DUSP22: variants seen among roughly 807,000 people sequenced by gnomAD.
The protein encoded by DUSP22 is dual specificity protein phosphatase 22.
Under a neutral mutation model 24.5 loss-of-function variants are expected in DUSP22, and 24 were observed. The observed-to-expected ratio is 0.98, with a 90% CI of 0.71 to 1.38. The LOEUF is 1.38. Ranked by LOEUF, DUSP22 falls within the 40% of genes most tolerant of loss-of-function variation. The pLI is 0.00. For missense variants in DUSP22, 330 were observed against 269.2 expected (o/e 1.23, Z -1.58); for synonymous variants, 160 against 106.4 (o/e 1.50, Z -3.10).
rs1251455386 is a variant in DUSP22, at chr6:292,516, C to A, written c.-24C>A. 1 of 1,604,658 alleles carries A rather than the reference C, an allele frequency of 6.2e-7. No individual in the cohort carries two copies. Among genetic ancestry groups the A allele is most frequent in the Non-Finnish European group, 8.5e-7 (1 of 1,175,772 alleles). ...TGCGCCTGCGACCACACGGCCGGGG[C>A]GCTAGCGTTCGCCTTCAGCCACCAT... On this transcript the variant is annotated 5_prime_UTR_variant, in exon 1 of 7. Coordinates refer to ENST00000419235, the MANE Select transcript of DUSP22 (RefSeq NM_001286555.3).
At chr6:295,185 A>T (rs762879014) in intron 1 of DUSP22, among the ~76,000 whole-genome samples, 4 of 152,304 alleles carry the variant, frequency 2.6e-5, no homozygotes, top group African/African-American at 4.8e-5. Flanking sequence ...TGGAACTAAC[A>T]TAACTTGGAA....
chr6:315,000 A>G (rs1561658082), intron 3 of DUSP22, among the ~76,000 whole-genome samples: 1 of 152,306 alleles, frequency 6.6e-6, no homozygotes. Flanking sequence ...AGGCCTTCAG[A>G]GTGGCTGTGC....
intron 2 of DUSP22, among the ~76,000 whole-genome samples, chr6:305,330 A>G (rs1757773496): frequency 6.6e-6 from 1 of 152,282 alleles, no homozygotes; most frequent in South Asian, 2.1e-4. Flanking sequence ...TCTCCTTTGA[A>G]CTCTCCACAC....
chr6:306,970 C>T (rs901307029), intron 2 of DUSP22, among the ~76,000 whole-genome samples: 1 of 152,422 alleles, frequency 6.6e-6, no homozygotes, highest in Non-Finnish European at 1.5e-5. Flanking sequence ...ATACCTGGTG[C>T]CCTGATAAAT....
chr6:297,492 A>G (rs1399254492), intron 1 of DUSP22, among the ~76,000 whole-genome samples: 3 of 152,304 alleles, frequency 2.0e-5, no homozygotes, highest in Non-Finnish European at 4.4e-5. Flanking sequence ...GTGTTCCTCA[A>G]CGGCTACACC....
Position 349,204 on chromosome 6 carries a change from C to T in DUSP22, c.*253C>T, listed in dbSNP as rs546639846. ...CAGTGGCTGTGCACTGCTCTGTGCA[C>T]GTGCGTGTGTGTGAGTGCACTTGTG... On this transcript the variant is annotated 3_prime_UTR_variant, in exon 7 of 7. Transcript: ENST00000419235. The T allele has an allele frequency of 1.5e-4, 204 of 1,404,984 alleles. 1 individual carries two copies. Among genetic ancestry groups the T allele is most frequent in the African/African-American group, 8.5e-4 (59 of 69,386 alleles). 87.0% of individuals were successfully genotyped at this position (1,404,984 alleles called of 1,614,324 possible).
At chr6:327,694 C>T (rs532209597) in intron 3 of DUSP22, among the ~76,000 whole-genome samples, 8 of 152,400 alleles carry the variant, frequency 5.2e-5, no homozygotes, top group South Asian at 2.1e-4. Flanking sequence ...AGGGGGAGGC[C>T]GAGGAGGTGA....
rs1760196325 is a variant in DUSP22, at chr6:351,179, T to C, written c.*2228T>C. On this transcript the variant is annotated 3_prime_UTR_variant, in exon 7 of 7. Coordinates refer to ENST00000419235, the MANE Select transcript of DUSP22 (RefSeq NM_001286555.3). ...CTCGTGATTGCTTCCTGTGAACGCC[T>C]CCCAAGGACGAGCCCAGTGTAGTTG... The C allele has an allele frequency of 2.3e-6, 1 of 440,920 alleles. No individual in the cohort carries two copies. The highest frequency in any genetic ancestry group is 4.1e-6 in the Non-Finnish European group (1 of 243,958). 27.3% of individuals were successfully genotyped at this position (440,920 alleles called of 1,614,324 possible). A position where few individuals can be genotyped will look rare whatever the true frequency, so the allele number is the denominator to read the frequency against.
intron 1 of DUSP22, among the ~76,000 whole-genome samples, chr6:297,816 C>T (rs1470492395): frequency 6.6e-6 from 1 of 152,298 alleles, no homozygotes; most frequent in Non-Finnish European, 1.5e-5. Context: ...AGGTCAGGCA[C>T]CTTTGTGCTG....
At chr6:346,420 T>A (rs1167816819) in intron 5 of DUSP22, among the ~76,000 whole-genome samples, 2 of 147,648 alleles carry the variant, frequency 1.4e-5, no homozygotes, top group African/African-American at 5.0e-5. Context: ...TCCTGCTATA[T>A]TTTGTGTAGA....
At chr6:345,224 C>CTTTTTTTTTTT (rs4061670) in intron 4 of DUSP22, among the ~76,000 whole-genome samples, 1 of 146,038 alleles carries the variant, frequency 6.8e-6, no homozygotes, top group Non-Finnish European at 1.5e-5. Flanking sequence ...TGGTTTCTTT[C>CTTTTTTTTTTT]TTTTTTTTTT....
chr6:344,318 CTG>C (rs1346703788), intron 4 of DUSP22, among the ~76,000 whole-genome samples: 17 of 152,270 alleles, frequency 1.1e-4, no homozygotes, highest in Non-Finnish European at 2.2e-4. Context: ...CAGGGTCTCG[CTG>C]TGTCGCTCAG....
intron 4 of DUSP22, among the ~76,000 whole-genome samples, chr6:341,012 G>A (rs1464736497): frequency 6.6e-6 from 1 of 152,304 alleles, no homozygotes; most frequent in Non-Finnish European, 1.5e-5. Context: ...ATGCAGAAAG[G>A]AAGGGACCCA....
chr6:308,778 G>T (rs908493251), intron 2 of DUSP22, among the ~76,000 whole-genome samples: 10 of 152,302 alleles, frequency 6.6e-5, no homozygotes, highest in African/African-American at 1.9e-4. Context: ...CCGTATTATG[G>T]TATGTGAATT....
Position 316,384 on chromosome 6 carries a change from G to A in DUSP22, c.138+4422G>A, listed in dbSNP as rs1051796721. ...AAAGTAAGCCCAGACCTGTTTAAGA[G>A]GAAAAAGCAAAATCCTCCTTCGCCT... On this transcript the variant is annotated intron_variant, in intron 3 of 6. Coordinates refer to ENST00000419235, the MANE Select transcript of DUSP22 (RefSeq NM_001286555.3). 5.2e-5 allele frequency among the ~76,000 whole-genome samples: 8 copies of A among 152,426 alleles called. No individual in the cohort carries two copies. In the East Asian group the frequency reaches 9.6e-4, roughly 18 times the overall value.
Position 312,000 on chromosome 6 carries a change from T to A in DUSP22, c.138+38T>A, listed in dbSNP as rs113680599. The A allele has an allele frequency of 4.4e-6, 7 of 1,593,860 alleles. No individual in the cohort carries two copies. The African/African-American group carries it at 8.1e-5, about 18-fold the overall frequency. ...CGTGGGGCGTGTGTGGGTGTCCTCA[T>A]TTGTATTCCGTGGGAGTACCTACGA... On this transcript the variant is annotated intron_variant, in intron 3 of 6. Coordinates refer to ENST00000419235, the MANE Select transcript of DUSP22 (RefSeq NM_001286555.3).
At chr6:324,230 C>A (rs893062826) in intron 3 of DUSP22, among the ~76,000 whole-genome samples, 1 of 152,308 alleles carries the variant, frequency 6.6e-6, no homozygotes, top group Admixed American at 6.5e-5. Flanking sequence ...CACATGTGGG[C>A]TCTGACCGAG....
At chr6:307,694 A>T (rs1757873478) in intron 2 of DUSP22, among the ~76,000 whole-genome samples, 1 of 152,302 alleles carries the variant, frequency 6.6e-6, no homozygotes, top group African/African-American at 2.4e-5. Flanking sequence ...CAGCTGACAG[A>T]CGAAGCCCTC....
chr6:304,910 A>C (rs1267846697), intron 2 of DUSP22, among the ~76,000 whole-genome samples: 1 of 152,298 alleles, frequency 6.6e-6, no homozygotes, highest in East Asian at 1.9e-4. Flanking sequence ...TATGAATCTC[A>C]CAACTATCGG....
Sources: gnomAD v4.1 joint callset for allele counts (sites outside exome capture counted in the v4.1 genomes callset) on GRCh38, gnomAD v4.1.1 for gene constraint, MANE v1.5 for transcripts, NCBI Gene and HGNC (gene_info 2026-07-23, HGNC 2026-07-21) for gene names.